The following DTNA variants were observed in gnomAD, a reference collection of about 807,000 sequenced individuals.
The protein encoded by DTNA is dystrophin-related protein 3.
Under a neutral mutation model 100.7 loss-of-function variants are expected in DTNA, and 43 were observed. The ratio of observed to expected loss-of-function variants is 0.43; its 90% CI spans 0.33 to 0.55. DTNA has a LOEUF of 0.55. Among genes scored for constraint, DTNA ranks in the 20% least tolerant of loss-of-function variants. The pLI is 0.04. For missense variants in DTNA, 798 were observed against 953.9 expected (o/e 0.84, Z 2.15); for synonymous variants, 349 against 347.9 (o/e 1.00, Z -0.04).
intron 18 of DTNA, among the ~76,000 whole-genome samples, chr18:34,876,126 G>A (rs1366343320): frequency 1.3e-5 from 2 of 152,046 alleles, no homozygotes; most frequent in Admixed American, 1.3e-4. Context: ...CCTTCCCAAA[G>A]TTTTGCTTTT....
At chr18:34,516,402 A>G (rs1035909594) in intron 1 of DTNA, among the ~76,000 whole-genome samples, 4 of 152,098 alleles carry the variant, frequency 2.6e-5, no homozygotes, top group Non-Finnish European at 5.9e-5. Flanking sequence ...TTCATGTCCC[A>G]CTGGGCACGC....
intron 11 of DTNA, among the ~76,000 whole-genome samples, chr18:34,831,307 G>A (rs778813580): frequency 9.2e-5 from 14 of 152,076 alleles, no homozygotes; most frequent in Non-Finnish European, 1.5e-4. Flanking sequence ...CTCTAAAGTG[G>A]TAAGCACTCA....
chr18:34,689,020 G>A (rs1037487178), intron 1 of DTNA, among the ~76,000 whole-genome samples: 7 of 152,014 alleles, frequency 4.6e-5, no homozygotes, highest in Admixed American at 3.3e-4. Flanking sequence ...TCTCTAAACT[G>A]GTTATTCTAG....
intron 3 of DTNA, among the ~76,000 whole-genome samples, chr18:34,791,168 C>T (rs2094722890): frequency 6.6e-6 from 1 of 152,168 alleles, no homozygotes; most frequent in Non-Finnish European, 1.5e-5. Flanking sequence ...AAAAGGGTTT[C>T]CTATTCCTTA....
At position 34,611,795 on chromosome 18, in the gene DTNA, T is replaced by C. The variant is rs546303486; in HGVS notation, c.-2+118281T>C. ...TGAAAAATAAGTGAGATGGCAGATA[T>C]AGCAGGTGTGGAGATGCTGGTCACT... is the stretch of plus-strand genomic sequence containing the variant. On this transcript the variant is annotated intron_variant, in intron 1 of 19. Transcript: ENST00000283365. Among the ~76,000 whole-genome samples the C allele has an allele frequency of 5.9e-5, 9 of 152,262 alleles. No individual in the cohort carries two copies. In the East Asian group the frequency reaches 9.7e-4, roughly 16 times the overall value.
intron 1 of DTNA, among the ~76,000 whole-genome samples, chr18:34,568,283 T>A (rs1270350875): frequency 6.6e-6 from 1 of 152,176 alleles, no homozygotes; most frequent in Non-Finnish European, 1.5e-5. Flanking sequence ...TATATGTGTG[T>A]GTTTGTGCAG....
chr18:34,504,540 A>G (rs753679893), intron 1 of DTNA, among the ~76,000 whole-genome samples: 12 of 152,112 alleles, frequency 7.9e-5, no homozygotes, highest in Non-Finnish European at 1.6e-4. Flanking sequence ...GTGACAAAAT[A>G]TTTTGTTTTC....
chr18:34,707,669 A>G (rs2082285444), upstream of DTNA, among the ~76,000 whole-genome samples: 1 of 152,208 alleles, frequency 6.6e-6, no homozygotes. Flanking sequence ...TACAAGGTAA[A>G]CACTCCTGAT....
rs1159487117 is a variant in DTNA, at chr18:34,647,789, G to T, written c.-1-108187G>T. On this transcript the variant is annotated intron_variant, in intron 1 of 19. Transcript: ENST00000283365. ...AATAAATATATCATTACAATTTTCA[G>T]CTAATATAGGCTCTAAAAGAGCTTG... is the stretch of plus-strand genomic sequence containing the variant. Among the ~76,000 whole-genome samples the T allele has an allele frequency of 2.6e-5, 4 of 152,322 alleles. No homozygotes were observed. In the East Asian group the frequency reaches 7.7e-4, roughly 29 times the overall value.
intron 1 of DTNA, among the ~76,000 whole-genome samples, chr18:34,536,645 C>T (rs1005578081): frequency 6.6e-6 from 1 of 151,832 alleles, no homozygotes; most frequent in Non-Finnish European, 1.5e-5. Context: ...TTTCTTATAT[C>T]TAGGAAACAG....
chr18:34,587,267 G>C (rs186967563), intron 1 of DTNA, among the ~76,000 whole-genome samples: 1 of 152,016 alleles, frequency 6.6e-6, no homozygotes, highest in Non-Finnish European at 1.5e-5. Context: ...TGTTACTGGG[G>C]CTTTATAACC....
upstream of DTNA, chr18:34,709,614 A>G (rs1340988890): frequency 6.6e-6 from 1 of 152,326 alleles, no homozygotes; most frequent in East Asian, 1.9e-4. Flanking sequence ...GCTGCTCTTA[A>G]TATAGAGCCC....
chr18:34,769,725 C>CTGTTTTTTTTTTT (rs2093663858), intron 3 of DTNA, among the ~76,000 whole-genome samples: 1 of 53,872 alleles, frequency 1.9e-5, no homozygotes, highest in Non-Finnish European at 4.1e-5. Context: ...CCCTCTGGGG[C>CTGTTTTTTTTTTT]TTTTTTTTTT....
At chr18:34,742,835 T>C (rs537790963) in intron 1 of DTNA, among the ~76,000 whole-genome samples, 1 of 152,062 alleles carries the variant, frequency 6.6e-6, no homozygotes, top group South Asian at 2.1e-4. Context: ...TTAATAAATG[T>C]TTATTATTAT....
At chr18:34,693,456 T>C (rs1178026605) in intron 1 of DTNA, among the ~76,000 whole-genome samples, 1 of 152,156 alleles carries the variant, frequency 6.6e-6, no homozygotes, top group Admixed American at 6.6e-5. Context: ...CTCAGACATG[T>C]CTGAGTCTCC....
In DTNA at chr18:34,591,590, G is replaced by T. The variant is rs186253753; in HGVS notation, c.-2+98076G>T. ...ATTAGCCTTGGGAAGGCGTGTTTTT[G>T]ACAGAGGGATAAAGAAACACAGTGA... On this transcript the variant is annotated intron_variant, in intron 1 of 19. Coordinates refer to the DTNA transcript ENST00000283365. Among the ~76,000 whole-genome samples the T allele has an allele frequency of 3.2e-4, 48 of 152,282 alleles. 1 individual carries two copies. The highest frequency in any genetic ancestry group is 2.7e-3 in the Admixed American group (42 of 15,298).
At chr18:34,656,698 G>A (rs1304496565) in intron 1 of DTNA, among the ~76,000 whole-genome samples, 2 of 152,098 alleles carry the variant, frequency 1.3e-5, no homozygotes, top group East Asian at 1.9e-4. Context: ...TACAGGATTC[G>A]TTATTTAAAA....
Position 34,565,598 on chromosome 18 carries a change from G to A in DTNA, c.-2+72084G>A, listed in dbSNP as rs151001789. 2.6e-5 allele frequency among the ~76,000 whole-genome samples: 4 copies of A among 152,230 alleles called. No homozygotes were observed. The East Asian group carries it at 7.7e-4, about 29-fold the overall frequency. ...CCCTTGCCTCTTCTAGCTTCTGATGGCCCAGAGCATTCTTTGGCTTGTGGC... is the reference window on the plus strand; with the variant it reads ...CCCTTGCCTCTTCTAGCTTCTGATGACCCAGAGCATTCTTTGGCTTGTGGC... On this transcript the variant is annotated intron_variant, in intron 1 of 19. Transcript: ENST00000283365.
chr18:34,511,328 C>T (rs2041066385), intron 1 of DTNA, among the ~76,000 whole-genome samples: 1 of 152,084 alleles, frequency 6.6e-6, no homozygotes, highest in African/African-American at 2.4e-5. Context: ...TATCTCAATC[C>T]TACTCAGTAA....
Sources: gnomAD v4.1 joint callset for allele counts (sites outside exome capture counted in the v4.1 genomes callset) on GRCh38, gnomAD v4.1.1 for gene constraint, MANE v1.5 for transcripts, NCBI Gene and HGNC (gene_info 2026-07-23, HGNC 2026-07-21) for gene names.